Variants in RFX2 observed in about 807,000 individuals in gnomAD.
RFX2 encodes regulatory factor X2.
A neutral mutation model predicts 87.8 loss-of-function variants in RFX2; 20 were observed. The observed-to-expected ratio is 0.23, with a 90% CI of 0.16 to 0.33. The LOEUF (loss-of-function observed/expected upper bound fraction) is 0.33. Ranked by LOEUF, RFX2 falls within the 10% of genes least tolerant of loss-of-function variation. The pLI is 1.00. For synonymous variants in RFX2, 397 were observed against 431.3 expected (o/e 0.92, Z 0.98); for missense variants, 767 against 1,012.3 (o/e 0.76, Z 3.29).
Position 6,064,552 on chromosome 19 carries a change from C to T in RFX2, c.-8-17048G>A, listed in dbSNP as rs1197408814. ...GAAATGACAAGTGACAGTTCCTCAG[C>T]AGTAGCATCTCCTGCTTTCTCAGCC... On this transcript the variant is annotated intron_variant, in intron 1 of 17. Transcript: ENST00000303657. This position sits in a 1 kb window ranked among gnomAD's most constrained non-coding sequence, Gnocchi z 4.8. Among the ~76,000 whole-genome samples, 1 of 152,246 alleles carries T rather than the reference C, an allele frequency of 6.6e-6. No homozygotes were observed. The highest frequency in any genetic ancestry group is 2.4e-5 in the African/African-American group (1 of 41,466).
At chr19:5,995,150 G>A (rs959286347) in intron 17 of RFX2, among the ~76,000 whole-genome samples, 200 bp from the exon 18 acceptor site, 3 of 152,166 alleles carry the variant, frequency 2.0e-5, no homozygotes, top group Non-Finnish European at 2.9e-5. Flanking sequence ...CCCCCAGCTC[G>A]GGCCAGGCGA....
chr19:6,071,898 T>C (rs1184882139), intron 1 of RFX2: 1 of 152,212 alleles, frequency 6.6e-6, no homozygotes, highest in Non-Finnish European at 1.5e-5. Context: ...GGCTTTCCTA[T>C]TCCATCAAGT....
chr19:6,092,524 T>C (rs1040618324), intron 1 of RFX2, among the ~76,000 whole-genome samples: 12 of 152,182 alleles, frequency 7.9e-5, no homozygotes, highest in Non-Finnish European at 1.5e-4. Flanking sequence ...AGGCCGTTGC[T>C]AGGCTCGAGT....
chr19:6,047,410 CGGGGAGGCT>C lies in RFX2; in HGVS notation c.78_86del (p.Ala27_Pro29del). On this transcript the variant is annotated inframe_deletion, in exon 2 of 18. Transcript: ENST00000303657. The surrounding 1 kb of genome is among the most constrained non-coding windows in gnomAD (Gnocchi z 4.2). ...GTTGCTGAGAGGCGCGCGTTACCTG[CGGGGAGGCT>C]GGCACAGGCGGGGCTGCCGCCGAGG... is the stretch of plus-strand genomic sequence containing the variant. 6.2e-7 allele frequency: 1 copy of C among 1,605,584 alleles called. No homozygotes were observed. The highest frequency in any genetic ancestry group is 8.5e-7 in the Non-Finnish European group (1 of 1,176,326).
rs2088123528 is a variant in RFX2 at position 6,101,309 on chromosome 19, C to T, written c.-9+9084G>A. On this transcript the variant is annotated intron_variant, in intron 1 of 17. Transcript: ENST00000303657. The surrounding 1 kb of genome is among the most constrained non-coding windows in gnomAD (Gnocchi z 4.9). ...TCTGTTTTCAGTGGGTCTGGAATTC[C>T]AAATATATTTTTTCTCAAGGCAGGC... Among the ~76,000 whole-genome samples the T allele has an allele frequency of 6.6e-6, 1 of 152,102 alleles. No homozygotes were observed. The highest frequency in any genetic ancestry group is 1.5e-5 in the Non-Finnish European group (1 of 68,018).
chr19:6,099,114 A>G lies in RFX2; in HGVS notation c.-9+11279T>C, dbSNP rs187204259. 5.2e-3 allele frequency among the ~76,000 whole-genome samples: 787 copies of G among 152,338 alleles called. 2 individuals carry two copies. The highest frequency in any genetic ancestry group is 7.4e-3 in the Non-Finnish European group (503 of 68,034). ...CGTTGCTGAAACAATTCTAATAGAC[A>G]TAACAGCTCTATATTTGTTCCAAAT... On this transcript the variant is annotated intron_variant, in intron 1 of 17. Transcript: ENST00000303657.
rs184268329 is a variant in RFX2, at chr19:6,003,711, A to T, written c.1500+490T>A. 5.2e-3 allele frequency among the ~76,000 whole-genome samples: 750 copies of T among 145,332 alleles called. 8 individuals carry two copies. Among genetic ancestry groups the T allele is most frequent in the African/African-American group, 0.017 (682 of 39,238 alleles). On this transcript the variant is annotated intron_variant, in intron 13 of 17. Transcript: ENST00000303657. The stretch of plus-strand genomic sequence containing the variant: ...GGAGAATCGCTTGAACCCGGGAGGC[A>T]GACGTTGCAGTGAGCTGAGATAACA...
At chr19:6,072,981 ATT>A in intron 1 of RFX2, 1 of 611,392 alleles carries the variant, frequency 1.6e-6, no homozygotes, top group Non-Finnish European at 2.9e-6. Context: ...AGGACCAGAT[ATT>A]TTTTTTTCTT....
intron 15 of RFX2, among the ~76,000 whole-genome samples, chr19:6,000,654 G>A (rs1486576477): frequency 6.6e-6 from 1 of 152,266 alleles, no homozygotes; most frequent in Admixed American, 6.5e-5. Flanking sequence ...TGCCGCCATG[G>A]AAGATGTGCC....
intron 1 of RFX2, among the ~76,000 whole-genome samples, chr19:6,057,493 C>T (rs1471862104): frequency 6.6e-6 from 1 of 152,238 alleles, no homozygotes; most frequent in African/African-American, 2.4e-5. Flanking sequence ...ATGGAGCTGT[C>T]ACCTGCCTCA....
At position 6,024,763 on chromosome 19, in the gene RFX2, G is replaced by A. The variant is rs1255027091; in HGVS notation, c.597+1400C>T. Among the ~76,000 whole-genome samples the A allele has an allele frequency of 5.4e-5, 8 of 146,836 alleles. No individual in the cohort carries two copies. The highest frequency in any genetic ancestry group is 1.0e-4 in the Non-Finnish European group (7 of 66,982). The stretch of plus-strand genomic sequence containing the variant: ...GGATCACGGTGAGGACGGGAGTGAG[G>A]ACGGGATCACGGTGAGGACGGGAGT... On this transcript the variant is annotated intron_variant, in intron 6 of 17. Coordinates refer to ENST00000303657, the MANE Select transcript of RFX2 (RefSeq NM_000635.4). This position sits in a 1 kb window ranked among gnomAD's most constrained non-coding sequence, Gnocchi z 5.0.
chr19:6,034,752 G>A lies in RFX2; in HGVS notation c.522+5228C>T, dbSNP rs144684863. The stretch of plus-strand genomic sequence containing the variant: ...ATTCTGTCATGAGCTGTGCCACTGC[G>A]TGGAGGTGCCATGGGCCTCTGCGAG... On this transcript the variant is annotated intron_variant, in intron 5 of 17. Transcript: ENST00000303657. Among the ~76,000 whole-genome samples, 12 of 152,304 alleles carry A rather than the reference G, an allele frequency of 7.9e-5. No individual in the cohort carries two copies. In the East Asian group the frequency reaches 9.6e-4, roughly 12 times the overall value.
intron 1 of RFX2, among the ~76,000 whole-genome samples, chr19:6,095,917 T>A (rs1018795698): frequency 6.6e-6 from 1 of 152,236 alleles, no homozygotes; most frequent in African/African-American, 2.4e-5. Context: ...CATTTCAGCA[T>A]CCATAAATAA....
In RFX2 at chr19:6,047,349, C is replaced by G. The variant is rs1015242822; in HGVS notation, c.90+58G>C. ...TTGCAGATCTGAGCAGCTTTCAAAC[C>G]CATAGAGATCGCGTCCACACTGTGG... On this transcript the variant is annotated intron_variant, in intron 2 of 17. Transcript: ENST00000303657. This position sits in a 1 kb window ranked among gnomAD's most constrained non-coding sequence, Gnocchi z 4.2. The G allele has an allele frequency of 7.3e-5, 100 of 1,369,410 alleles. 1 individual carries two copies. In the South Asian group the frequency reaches 1.2e-3, roughly 17 times the overall value. The allele number at this position is 1,369,410 out of a possible 1,614,324, so 84.8% of individuals were successfully genotyped here.
chr19:6,077,233 T>A (rs992638378), intron 1 of RFX2: 1 of 152,234 alleles, frequency 6.6e-6, no homozygotes, highest in East Asian at 1.9e-4. Context: ...TGCCTTCTCA[T>A]CTATGCCGCA....
chr19:6,064,776 C>T lies in RFX2; in HGVS notation c.-8-17272G>A, dbSNP rs979552755. 6.6e-6 allele frequency among the ~76,000 whole-genome samples: 1 copy of T among 152,200 alleles called. No homozygotes were observed. Among genetic ancestry groups the T allele is most frequent in the African/African-American group, 2.4e-5 (1 of 41,456 alleles). ...GAGGAGGCTGGCTTTCTGGATCCCA[C>T]CAACATCACATAGGGGACCTTTTCA... On this transcript the variant is annotated intron_variant, in intron 1 of 17. Transcript: ENST00000303657. This position sits in a 1 kb window ranked among gnomAD's most constrained non-coding sequence, Gnocchi z 4.8.
At chr19:6,009,675 G>C (rs1237249926) in intron 9 of RFX2, among the ~76,000 whole-genome samples, 2 of 152,002 alleles carry the variant, frequency 1.3e-5, no homozygotes, top group African/African-American at 2.4e-5. Flanking sequence ...TCGAACTTCT[G>C]GGCTCAAGTG....
intron 13 of RFX2, among the ~76,000 whole-genome samples, chr19:6,003,775 T>G (rs535852529): frequency 1.2e-5 from 1 of 80,484 alleles, no homozygotes; most frequent in Non-Finnish European, 2.1e-5. Context: ...TGAGACTCTG[T>G]CTCAAAAAAA....
chr19:6,097,863 A>T (rs1309841728), intron 1 of RFX2, among the ~76,000 whole-genome samples: 1 of 152,146 alleles, frequency 6.6e-6, no homozygotes, highest in East Asian at 1.9e-4. Flanking sequence ...GATTACAGGC[A>T]TGAGCCACTG....
Sources: allele counts gnomAD v4.1 joint callset (sites outside exome capture counted in the v4.1 genomes callset), GRCh38; gene constraint gnomAD v4.1.1; non-coding constraint Gnocchi (gnomAD v3.1); transcripts MANE v1.5; gene names NCBI Gene and HGNC (gene_info 2026-07-23, HGNC 2026-07-21).